Variants in NUP58 observed in about 807,000 individuals in gnomAD.
NUP58 encodes nucleoporin p58/p45.
A neutral mutation model predicts 70.1 loss-of-function variants in NUP58; 17 were observed. The observed-to-expected ratio is 0.24, with a 90% CI of 0.17 to 0.36. The LOEUF (loss-of-function observed/expected upper bound fraction) is 0.36, where lower values mean the gene tolerates loss of function less well. Among genes scored for constraint, NUP58 ranks in the 10% least tolerant of loss-of-function variants. The probability of loss-of-function intolerance (pLI) is 1.00; values close to 1 mark genes in which losing one functional copy is unlikely to be tolerated. For synonymous variants in NUP58, 275 were observed against 257.6 expected, an observed-to-expected ratio of 1.07 and a Z score of -0.65; for missense variants, 644 against 701.5, an observed-to-expected ratio of 0.92 and a Z score of 0.93.
intron 8 of NUP58, 114 bp downstream of exon 8, chr13:25,320,709 G>A: frequency 1.3e-6 from 1 of 795,102 alleles, no homozygotes; most frequent in Non-Finnish European, 2.0e-6. Context: ...CTTAACTAGG[G>A]TTAAAATGTT....
rs370873650 is a variant in NUP58, at chr13:25,320,910, A to G, written c.777-9A>G. 2.4e-5 allele frequency: 37 copies of G among 1,522,264 alleles called. No homozygotes were observed. In the African/African-American group the frequency reaches 4.7e-4, roughly 19 times the overall value. The allele number at this position is 1,522,264 out of a possible 1,614,324, so 94.3% of individuals were successfully genotyped here. A position where few individuals can be genotyped will look rare whatever the true frequency, so the allele number is the denominator to read the frequency against. On this transcript the variant is annotated splice_polypyrimidine_tract_variant and intron_variant, in intron 8 of 15. Coordinates refer to ENST00000381736, the MANE Select transcript of NUP58 (RefSeq NM_014089.4). ...TTTTTTAAAACTCAGTTTTAAATAT[A>G]TTTTTTAGGAAATTTGTGAAGGAGC...
rs140702607 is a variant in NUP58, at chr13:25,329,537, G to A, written c.1234-1820G>A. 3.1e-3 allele frequency among the ~76,000 whole-genome samples: 475 copies of A among 152,262 alleles called. 15 individuals are homozygous for A. Among genetic ancestry groups the A allele is most frequent in the Admixed American group, 0.028 (425 of 15,288 alleles). ...CCTACTCTTTAAGCAACCCAGGAAC[G>A]AAAGGATATTCCCAAGAACCAAAGA... On this transcript the variant is annotated intron_variant, in intron 12 of 15. Coordinates refer to ENST00000381736, the MANE Select transcript of NUP58 (RefSeq NM_014089.4).
chr13:25,345,100 T>G (rs1167318648), downstream of NUP58, among the ~76,000 whole-genome samples: 2 of 152,194 alleles, frequency 1.3e-5, no homozygotes, highest in Non-Finnish European at 2.9e-5. Context: ...TGGGTACCAC[T>G]CAGCATTTTA....
intron 12 of NUP58, among the ~76,000 whole-genome samples, chr13:25,330,484 C>G (rs1212105462): frequency 2.0e-5 from 3 of 152,056 alleles, no homozygotes; most frequent in Admixed American, 6.6e-5. Context: ...TAATCAGAAC[C>G]TAATGTTTAC....
chr13:25,308,310 CT>C (rs949692875), intron 2 of NUP58, among the ~76,000 whole-genome samples: 23 of 151,332 alleles, frequency 1.5e-4, no homozygotes, highest in Admixed American at 1.5e-3. Flanking sequence ...TATTTTTTTT[CT>C]TTTTTTAGAT....
At chr13:25,304,141 C>G (rs1263783186) in intron 1 of NUP58, among the ~76,000 whole-genome samples, 1 of 152,066 alleles carries the variant, frequency 6.6e-6, no homozygotes, top group Non-Finnish European at 1.5e-5. Context: ...CTGGCACTTG[C>G]TAAGTGCTCA....
At chr13:25,323,429 G>GA (rs1355222578) in intron 9 of NUP58, among the ~76,000 whole-genome samples, 1 of 150,108 alleles carries the variant, frequency 6.7e-6, no homozygotes, top group African/African-American at 2.4e-5. Flanking sequence ...AGGGGAAGAA[G>GA]AAAAAGAGAA....
downstream of NUP58, among the ~76,000 whole-genome samples, chr13:25,345,392 C>G (rs76803201): frequency 2.5e-5 from 2 of 78,512 alleles, no homozygotes; most frequent in African/African-American, 8.2e-5. Context: ...TGTGATAGAT[C>G]AGGGCAAAGT....
chr13:25,324,480 T>C (rs998846243), intron 9 of NUP58, among the ~76,000 whole-genome samples: 2 of 152,172 alleles, frequency 1.3e-5, no homozygotes, highest in Non-Finnish European at 2.9e-5. Context: ...GGCAAGTTAC[T>C]TAATGGCTTT....
intron 13 of NUP58, chr13:25,335,355 G>A (rs2031744050): frequency 3.0e-6 from 3 of 985,236 alleles, no homozygotes; most frequent in South Asian, 9.4e-5. Flanking sequence ...GAGGGCTGTG[G>A]TGTGCATTAT....
At chr13:25,301,910 G>T in intron 1 of NUP58, 30 bp downstream of exon 1, 1 of 1,451,120 alleles carries the variant, frequency 6.9e-7, no homozygotes. Flanking sequence ...TTCCTGGGCC[G>T]GATTCACCCC....
At chr13:25,339,876 T>G in intron 15 of NUP58, 89 bp from the exon 16 acceptor site, 1 of 1,137,996 alleles carries the variant, frequency 8.8e-7, no homozygotes, top group South Asian at 1.6e-5. Context: ...ATGTATTCTT[T>G]TAGATAGAAA....
intron 2 of NUP58, among the ~76,000 whole-genome samples, chr13:25,308,585 ATAGGCC>A (rs1324061760): frequency 6.6e-6 from 1 of 151,786 alleles, no homozygotes; most frequent in Non-Finnish European, 1.5e-5. Context: ...TGCTGGGATT[ATAGGCC>A]TGAGTTACCA....
At position 25,301,716 on chromosome 13, in the gene NUP58, C is replaced by A. The variant is rs553713757; in HGVS notation, c.-58C>A. On this transcript the variant is annotated 5_prime_UTR_variant, in exon 1 of 16. Coordinates refer to ENST00000381736, the MANE Select transcript of NUP58 (RefSeq NM_014089.4). ...TGCCCGGCCCGCCTCGGCTTTGAGGCGAGAGAAGTGTCCCAGACCCATTTC... is the reference window on the plus strand; with the variant it reads ...TGCCCGGCCCGCCTCGGCTTTGAGGAGAGAGAAGTGTCCCAGACCCATTTC... The A allele has an allele frequency of 4.1e-6, 4 of 973,476 alleles. No individual in the cohort carries two copies. Among genetic ancestry groups the A allele is most frequent in the East Asian group, 3.1e-5 (1 of 32,000 alleles). 60.3% of individuals were successfully genotyped at this position (973,476 alleles called of 1,614,324 possible).
intron 6 of NUP58, 29 bp downstream of exon 6, chr13:25,315,496 T>A (rs1309450677): frequency 2.0e-6 from 3 of 1,485,162 alleles, no homozygotes; most frequent in Non-Finnish European, 2.8e-6. Flanking sequence ...ACTTTATGTT[T>A]TAACAGTTCT....
chr13:25,312,965 T>G lies in NUP58; in HGVS notation c.369T>G (p.Ala123=). 1.2e-6 allele frequency: 2 copies of G among 1,614,210 alleles called. No homozygotes were observed. The highest frequency in any genetic ancestry group is 8.5e-7 in the Non-Finnish European group (1 of 1,180,028). Residue 123 remains alanine, a synonymous_variant, in exon 4 of 16, where the codon GCT becomes GCG. Coordinates refer to ENST00000381736, the MANE Select transcript of NUP58 (RefSeq NM_014089.4). ...NKPAASATPF[A]LPITSTSASG... The stretch of plus-strand genomic sequence containing the variant: ...CTGCAGCATCTGCCACACCATTTGC[T>G]CTACCTATTACCTCTACCTCAGCTA...
In NUP58 at chr13:25,340,316, T is replaced by G; in HGVS notation, c.*182T>G. 1.9e-6 allele frequency: 1 copy of G among 532,724 alleles called. No individual in the cohort carries two copies. Among genetic ancestry groups the G allele is most frequent in the Non-Finnish European group, 3.1e-6 (1 of 324,458 alleles). 33.0% of individuals were successfully genotyped at this position (532,724 alleles called of 1,614,324 possible). A position where few individuals can be genotyped will look rare whatever the true frequency, so the allele number is the denominator to read the frequency against. ...ACTGAACATCTTTTTTCTTGTGGAA[T>G]TTAAAGTCCAGCTGTGTTTTCTTTT... On this transcript the variant is annotated 3_prime_UTR_variant, in exon 16 of 16. Transcript: ENST00000381736.
Position 25,310,794 on chromosome 13 carries a change from A to G in NUP58, c.286+1512A>G, listed in dbSNP as rs146709513. On this transcript the variant is annotated intron_variant, in intron 3 of 15. Coordinates refer to ENST00000381736, the MANE Select transcript of NUP58 (RefSeq NM_014089.4). ...CTTTTCTCTCAGTGATTTCAGGTTA[A>G]GTCATGCAGGTCATTCATACATTTC... 1.7e-3 allele frequency among the ~76,000 whole-genome samples: 260 copies of G among 152,304 alleles called. 1 individual carries two copies. Among genetic ancestry groups the G allele is most frequent in the Non-Finnish European group, 2.9e-3 (200 of 68,018 alleles).
chr13:25,333,117 C>T (rs1439385588), intron 13 of NUP58: 11 of 984,912 alleles, frequency 1.1e-5, no homozygotes, highest in Non-Finnish European at 1.3e-5. Flanking sequence ...AATCTCCTGT[C>T]AAGGGTTTGT....
Sources: gnomAD v4.1 joint callset for allele counts (sites outside exome capture counted in the v4.1 genomes callset) on GRCh38, gnomAD v4.1.1 for gene constraint, MANE v1.5 for transcripts, NCBI Gene and HGNC (gene_info 2026-07-23, HGNC 2026-07-21) for gene names.